SPOCK1: variants seen among roughly 807,000 people sequenced by gnomAD.
The protein encoded by SPOCK1 is SPARC (osteonectin), cwcv and kazal like domains proteoglycan 1.
A neutral mutation model predicts 55.3 loss-of-function variants in SPOCK1; 23 were observed. That is an observed-to-expected ratio of 0.42 (90% confidence interval 0.30 to 0.59). SPOCK1 has a LOEUF of 0.59. Among genes scored for constraint, SPOCK1 ranks in the 20% least tolerant of loss-of-function variants. The pLI is 0.22. For missense variants in SPOCK1, 499 were observed against 552.5 expected (o/e 0.90, Z 0.97); for synonymous variants, 226 against 221.0 (o/e 1.02, Z -0.20).
intron 2 of SPOCK1, among the ~76,000 whole-genome samples, chr5:137,322,518 A>G (rs1193226805): frequency 6.6e-6 from 1 of 152,252 alleles, no homozygotes; most frequent in Non-Finnish European, 1.5e-5. Flanking sequence ...ACACAATACA[A>G]AAGATGTAAT....
chr5:136,979,662 C>G (rs967971071), intron 9 of SPOCK1, among the ~76,000 whole-genome samples, 193 bp from the exon 10 acceptor site: 3 of 152,144 alleles, frequency 2.0e-5, no homozygotes, highest in African/African-American at 7.2e-5. Flanking sequence ...GCGATGAGCT[C>G]TAAGGATGTC....
At chr5:137,364,440 G>T (rs1580887284) in intron 2 of SPOCK1, among the ~76,000 whole-genome samples, 1 of 152,192 alleles carries the variant, frequency 6.6e-6, no homozygotes, top group Admixed American at 6.5e-5. Flanking sequence ...AAAGAAAAAT[G>T]GAGTCATTTT....
intron 2 of SPOCK1, among the ~76,000 whole-genome samples, chr5:137,441,193 A>G (rs1752998699): frequency 6.6e-6 from 1 of 152,222 alleles, no homozygotes; most frequent in African/African-American, 2.4e-5. Flanking sequence ...GGTTTCTCCA[A>G]TCTCTTTATA....
chr5:137,408,454 G>A (rs1016023366), intron 2 of SPOCK1, among the ~76,000 whole-genome samples: 1 of 152,170 alleles, frequency 6.6e-6, no homozygotes, highest in African/African-American at 2.4e-5. Flanking sequence ...TTCCTGCCTT[G>A]CCAGTGCCAC....
intron 2 of SPOCK1, among the ~76,000 whole-genome samples, chr5:137,481,415 T>A (rs1753948095): frequency 6.6e-6 from 1 of 152,190 alleles, no homozygotes; most frequent in Admixed American, 6.5e-5. Context: ...CAGTCTAGCA[T>A]CTCTCAAACT....
At chr5:137,317,850 G>T (rs931970594) in intron 2 of SPOCK1, among the ~76,000 whole-genome samples, 1 of 152,170 alleles carries the variant, frequency 6.6e-6, no homozygotes, top group Non-Finnish European at 1.5e-5. Context: ...GATGAAACTA[G>T]TTTCCAAGAT....
At chr5:137,088,172 G>A (rs1476512936) in intron 5 of SPOCK1, among the ~76,000 whole-genome samples, 1 of 152,174 alleles carries the variant, frequency 6.6e-6, no homozygotes, top group Non-Finnish European at 1.5e-5. Flanking sequence ...AGAACATCCT[G>A]CCTCAAGGAC....
chr5:137,092,328 C>A (rs1015365807), intron 5 of SPOCK1, among the ~76,000 whole-genome samples: 1 of 152,214 alleles, frequency 6.6e-6, no homozygotes, highest in Non-Finnish European at 1.5e-5. Context: ...GGTTCGCCCT[C>A]AGGGAAGGCA....
At chr5:137,341,755 C>T (rs954350020) in intron 2 of SPOCK1, among the ~76,000 whole-genome samples, 1 of 152,260 alleles carries the variant, frequency 6.6e-6, no homozygotes, top group East Asian at 1.9e-4. Flanking sequence ...CTGCCAGTCA[C>T]TCAAATAGGT....
At chr5:137,307,193 T>C (rs1757713874) in intron 2 of SPOCK1, among the ~76,000 whole-genome samples, 1 of 152,212 alleles carries the variant, frequency 6.6e-6, no homozygotes, top group Non-Finnish European at 1.5e-5. Flanking sequence ...TACAATTATG[T>C]ACAAAAGCAA....
chr5:137,071,019 CT>C (rs10570894), intron 5 of SPOCK1, among the ~76,000 whole-genome samples: 94,766 of 141,128 alleles, frequency 0.67, 32,174 homozygotes, highest in Non-Finnish European at 0.74. Flanking sequence ...AGGCCAATTT[CT>C]TTTTTTTTTT....
At chr5:137,187,605 AT>A (rs1755095242) in intron 3 of SPOCK1, among the ~76,000 whole-genome samples, 1 of 152,084 alleles carries the variant, frequency 6.6e-6, no homozygotes, top group Non-Finnish European at 1.5e-5. Flanking sequence ...ACTGTAACTC[AT>A]ACATGTATGG....
At chr5:137,143,184 C>T (rs1754131325) in intron 3 of SPOCK1, among the ~76,000 whole-genome samples, 1 of 152,166 alleles carries the variant, frequency 6.6e-6, no homozygotes, top group African/African-American at 2.4e-5. Flanking sequence ...CCAAGTGCTG[C>T]AGCAGAGAAC....
chr5:137,166,435 G>GAAAAAA (rs755506669), intron 3 of SPOCK1, among the ~76,000 whole-genome samples: 1 of 137,650 alleles, frequency 7.3e-6, no homozygotes, highest in African/African-American at 2.7e-5. Flanking sequence ...ACTTCAATTA[G>GAAAAAA]AAAAAAAAAA....
At chr5:137,383,893 G>A (rs1400760803) in intron 2 of SPOCK1, among the ~76,000 whole-genome samples, 1 of 152,082 alleles carries the variant, frequency 6.6e-6, no homozygotes, top group East Asian at 1.9e-4. Flanking sequence ...CTCAGCACTG[G>A]CTCCCACCTC....
chr5:137,000,227 A>C (rs1751123377), intron 6 of SPOCK1, among the ~76,000 whole-genome samples: 1 of 152,176 alleles, frequency 6.6e-6, no homozygotes, highest in African/African-American at 2.4e-5. Flanking sequence ...GCTGTTGTGA[A>C]TAATTACTTA....
chr5:137,219,782 G>T (rs1431411362), intron 3 of SPOCK1, among the ~76,000 whole-genome samples: 1 of 152,170 alleles, frequency 6.6e-6, no homozygotes, highest in African/African-American at 2.4e-5. Flanking sequence ...CCCTGGCTGG[G>T]CCCCTAGTCT....
Position 137,129,870 on chromosome 5 carries a change from G to A in SPOCK1, c.347+10710C>T, listed in dbSNP as rs578169795. Among the ~76,000 whole-genome samples the A allele has an allele frequency of 2.0e-4, 30 of 152,282 alleles. No individual in the cohort carries two copies. The South Asian group carries it at 2.7e-3, about 14-fold the overall frequency. On this transcript the variant is annotated intron_variant, in intron 4 of 10. Transcript: ENST00000394945. Reference sequence around the variant, plus strand: ...GTTTAGCTACACCTACATTTTAGCCGAATTCAGACCCCTCCCATAATCCTA... The same window carrying A: ...GTTTAGCTACACCTACATTTTAGCCAAATTCAGACCCCTCCCATAATCCTA...
rs192066868 is a variant in SPOCK1, at chr5:137,145,816, T to C, written c.233-5122A>G. ...AGTAGGTTTAAACCAGATAATAGGA[T>C]GAGGAAGAACACTCCAGATAACAGG... On this transcript the variant is annotated intron_variant, in intron 3 of 10. Coordinates refer to ENST00000394945, the MANE Select transcript of SPOCK1 (RefSeq NM_004598.4). Among the ~76,000 whole-genome samples the C allele has an allele frequency of 5.9e-5, 9 of 152,260 alleles. No individual in the cohort carries two copies. In the East Asian group the frequency reaches 1.7e-3, roughly 29 times the overall value.
Sources: allele counts gnomAD v4.1 joint callset (sites outside exome capture counted in the v4.1 genomes callset), GRCh38; gene constraint gnomAD v4.1.1; transcripts MANE v1.5; gene names NCBI Gene and HGNC (gene_info 2026-07-23, HGNC 2026-07-21).